Variants in PARG observed in about 807,000 individuals in gnomAD.
The protein encoded by PARG is mitochondrial poly(ADP-ribose) glycohydrolase.
Under a neutral mutation model 113.0 loss-of-function variants are expected in PARG, and 35 were observed. The observed-to-expected ratio is 0.31, with a 90% confidence interval of 0.24 to 0.41. The LOEUF (loss-of-function observed/expected upper bound fraction) is 0.41, where lower values mean the gene tolerates loss of function less well. PARG is among the 10% of genes least tolerant of loss of function. The probability of loss-of-function intolerance (pLI) is 1.00; values close to 1 mark genes in which losing one functional copy is unlikely to be tolerated. For missense variants in PARG, 797 were observed against 1,169.4 expected, an observed-to-expected ratio of 0.68 and a Z score of 4.64; for synonymous variants, 330 against 409.9, an observed-to-expected ratio of 0.81 and a Z score of 2.36.
chr10:49,850,130 A>C (rs1845693031), intron 13 of PARG, among the ~76,000 whole-genome samples: 1 of 139,968 alleles, frequency 7.1e-6, no homozygotes, highest in African/African-American at 2.7e-5. Flanking sequence ...GAGCCAAAGA[A>C]ATTTAACTGA....
Position 49,836,307 on chromosome 10 carries a change from C to CTTTTTTT in PARG, c.2542-3406_2542-3400dup, listed in dbSNP as rs1168567519. Among the ~76,000 whole-genome samples, 90 of 48,010 alleles carry CTTTTTTT rather than the reference C, an allele frequency of 1.9e-3. 30 individuals are homozygous for CTTTTTTT. The highest frequency in any genetic ancestry group is 2.4e-3 in the Non-Finnish European group (65 of 27,658). 31.5% of individuals were successfully genotyped at this position (48,010 alleles called of 152,430 possible). On this transcript the variant is annotated intron_variant, in intron 15 of 17. Transcript: ENST00000616448. ...TTTAGTATTCTCTGATTTCTTACGACTTTTTTTTTTTTTTTTTTTTTTTTT... is the reference window on the plus strand; with the variant it reads ...TTTAGTATTCTCTGATTTCTTACGACTTTTTTTTTTTTTTTTTTTTTTTTTTTTTTTT...
rs1213836197 is a variant in PARG at position 49,869,349 on chromosome 10, T to G, written c.2068+127A>C. 2.8e-5 allele frequency: 19 copies of G among 672,472 alleles called. No individual in the cohort carries two copies. In the Admixed American group the frequency reaches 3.4e-4, roughly 12 times the overall value. 41.7% of individuals were successfully genotyped at this position (672,472 alleles called of 1,614,324 possible). ...AAAACTAGGTTATATTGTCGCATCA[T>G]TACTAGTGTTTCAATGTGGTTGGGA... On this transcript the variant is annotated intron_variant, in intron 10 of 17. Transcript: ENST00000616448.
intron 15 of PARG, among the ~76,000 whole-genome samples, chr10:49,837,001 G>C (rs1263494773): frequency 1.3e-5 from 2 of 152,088 alleles, no homozygotes; most frequent in African/African-American, 2.4e-5. Flanking sequence ...TTTACAAGCT[G>C]AAGTCATAAA....
intron 4 of PARG, among the ~76,000 whole-genome samples, chr10:49,925,825 T>G (rs1348580751): frequency 6.6e-6 from 1 of 152,250 alleles, no homozygotes; most frequent in African/African-American, 2.4e-5. Context: ...CTCAAAATCC[T>G]AAGGAAATTG....
intron 16 of PARG, among the ~76,000 whole-genome samples, chr10:49,828,316 A>G (rs1425502686): frequency 2.0e-5 from 3 of 152,220 alleles, no homozygotes; most frequent in African/African-American, 7.2e-5. Context: ...ACAAATGGGT[A>G]GGAATAAATC....
At chr10:49,882,905 A>AG (rs1279788385) in intron 8 of PARG, among the ~76,000 whole-genome samples, 1 of 142,428 alleles carries the variant, frequency 7.0e-6, no homozygotes, top group Non-Finnish European at 1.5e-5. Flanking sequence ...AAGGCTTCAC[A>AG]GGGGAAGTAA....
intron 7 of PARG, among the ~76,000 whole-genome samples, chr10:49,914,708 A>T (rs1464974384): frequency 6.6e-6 from 1 of 152,206 alleles, no homozygotes; most frequent in Non-Finnish European, 1.5e-5. Context: ...CCACAAAGCT[A>T]TGCAACCAAG....
chr10:49,819,507 A>G lies in PARG; in HGVS notation c.2777-13T>C. 6.5e-7 allele frequency: 1 copy of G among 1,546,272 alleles called. No individual in the cohort carries two copies. Among genetic ancestry groups the G allele is most frequent in the East Asian group, 2.4e-5 (1 of 40,898 alleles). On this transcript the variant is annotated splice_polypyrimidine_tract_variant and intron_variant, in intron 17 of 17. Transcript: ENST00000616448. ...TTATACACATCTCCTGGAGAGCAAA[A>G]GGTCAGACCAGAGGCACATTAAAGT...
intron 8 of PARG, among the ~76,000 whole-genome samples, chr10:49,882,428 CT>C (rs1554839619): frequency 6.6e-6 from 1 of 151,694 alleles, no homozygotes; most frequent in East Asian, 1.9e-4. Context: ...AAATAAAAAT[CT>C]TAACTTTCAC....
rs2132624794 is a variant in PARG at position 49,879,806 on chromosome 10, T to C, written c.1855A>G (p.Met619Val). The change falls in exon 9 of 18, where the codon ATG becomes GTG. Residue 619 changes from methionine (M) to valine (V), a missense_variant. Transcript: ENST00000616448. Reference sequence around the variant, plus strand: ...TGCGACATTGTGATGGAATGATTCATCTTCTGTTTCAGGAGTGGTATTGGC... The same window carrying C: ...TGCGACATTGTGATGGAATGATTCACCTTCTGTTTCAGGAGTGGTATTGGC... Reference protein sequence around the residue: ...TQPIPLLKQKMNHSITMSQEQ... With the variant: ...TQPIPLLKQKVNHSITMSQEQ... 1 of 1,162,470 alleles carries C rather than the reference T, an allele frequency of 8.6e-7. No individual in the cohort carries two copies. The highest frequency in any genetic ancestry group is 1.5e-5 in the African/African-American group (1 of 66,174). The allele number at this position is 1,162,470 out of a possible 1,614,324, so 72.0% of individuals were successfully genotyped here. A position where few individuals can be genotyped will look rare whatever the true frequency, so the allele number is the denominator to read the frequency against.
chr10:49,894,187 C>T (rs547975579), intron 7 of PARG, among the ~76,000 whole-genome samples: 49 of 151,664 alleles, frequency 3.2e-4, no homozygotes, highest in Non-Finnish European at 5.5e-4. Context: ...GCATGTGCCA[C>T]CATGCCCAGC....
intron 4 of PARG, among the ~76,000 whole-genome samples, chr10:49,931,687 C>A (rs1838486243): frequency 1.5e-5 from 2 of 129,440 alleles, no homozygotes; most frequent in Non-Finnish European, 1.6e-5. Context: ...AAACTCTGGT[C>A]TCCAGCAAAA....
rs1354567134 is a variant in PARG at position 49,818,902 on chromosome 10, C to T, written c.*438G>A. 2.6e-5 allele frequency: 4 copies of T among 154,196 alleles called. No homozygotes were observed. The highest frequency in any genetic ancestry group is 9.6e-5 in the African/African-American group (4 of 41,478). 9.6% of individuals were successfully genotyped at this position (154,196 alleles called of 1,614,324 possible). A position where few individuals can be genotyped will look rare whatever the true frequency, so the allele number is the denominator to read the frequency against. On this transcript the variant is annotated 3_prime_UTR_variant, in exon 18 of 18. Transcript: ENST00000616448. ...TATTAAGAGTTGAGTGGAAGGCTCACAGGGAGATTTTTAGCAAAATCAGTT... is the reference window on the plus strand; with the variant it reads ...TATTAAGAGTTGAGTGGAAGGCTCATAGGGAGATTTTTAGCAAAATCAGTT...
chr10:49,848,076 C>G (rs1235092101), intron 13 of PARG, among the ~76,000 whole-genome samples: 1 of 152,066 alleles, frequency 6.6e-6, no homozygotes, highest in African/African-American at 2.4e-5. Flanking sequence ...TAAGGCCAGG[C>G]GGGGTGGCTC....
At chr10:49,835,314 A>G (rs1487951095) in intron 15 of PARG, among the ~76,000 whole-genome samples, 3 of 152,324 alleles carry the variant, frequency 2.0e-5, no homozygotes, top group African/African-American at 7.2e-5. Context: ...AAAGAAAGCC[A>G]GCTTGAACTC....
intron 7 of PARG, among the ~76,000 whole-genome samples, chr10:49,899,874 C>G (rs1411334385): frequency 6.6e-6 from 1 of 152,166 alleles, no homozygotes; most frequent in Non-Finnish European, 1.5e-5. Flanking sequence ...CTGGGAAATA[C>G]TGATAAAAAT....
At chr10:49,847,245 G>T (rs1845554652) in intron 13 of PARG, among the ~76,000 whole-genome samples, 2 of 152,248 alleles carry the variant, frequency 1.3e-5, no homozygotes, top group African/African-American at 4.8e-5. Flanking sequence ...GTAGGTGAAG[G>T]TTTGATGAGG....
At chr10:49,909,547 C>T (rs1443226277) in intron 7 of PARG, 4 of 152,618 alleles carry the variant, frequency 2.6e-5, no homozygotes, top group African/African-American at 4.8e-5. Context: ...TTTTAAATGG[C>T]CTTTCTCTTT....
At chr10:49,894,204 A>T (rs1554842182) in intron 7 of PARG, among the ~76,000 whole-genome samples, 5 of 133,606 alleles carry the variant, frequency 3.7e-5, no homozygotes, top group South Asian at 2.4e-4. Flanking sequence ...CAGCTAATTA[A>T]TTTTTTTTTT....
Sources: allele counts gnomAD v4.1 joint callset (sites outside exome capture counted in the v4.1 genomes callset), GRCh38; gene constraint gnomAD v4.1.1; transcripts MANE v1.5; gene names NCBI Gene and HGNC (gene_info 2026-07-23, HGNC 2026-07-21).